MTSS2: variants seen among roughly 807,000 people sequenced by gnomAD.
The protein encoded by MTSS2 is protein MTSS 2.
A neutral mutation model predicts 67.1 loss-of-function variants in MTSS2; 27 were observed. The observed-to-expected ratio is 0.40, with a 90% CI of 0.30 to 0.55. The LOEUF is 0.55. Ranked by LOEUF, MTSS2 falls within the 20% of genes least tolerant of loss-of-function variation. The probability of loss-of-function intolerance (pLI) is 0.43; values close to 1 mark genes in which losing one functional copy is unlikely to be tolerated. For synonymous variants in MTSS2, 624 were observed against 468.6 expected (o/e 1.33, Z -4.28); for missense variants, 1,171 against 1,067.8 (o/e 1.10, Z -1.35).
intron 11 of MTSS2, among the ~76,000 whole-genome samples, chr16:70,670,375 A>C (rs958881819): frequency 6.6e-6 from 1 of 152,250 alleles, no homozygotes; most frequent in Non-Finnish European, 1.5e-5. Context: ...TACCTATCAA[A>C]TCTGAAGATG....
At chr16:70,667,575 C>T (rs2052763987) in intron 11 of MTSS2, among the ~76,000 whole-genome samples, 1 of 151,974 alleles carries the variant, frequency 6.6e-6, no homozygotes, top group Admixed American at 6.5e-5. Context: ...GATCTTTACA[C>T]AAAAACTACA....
At chr16:70,677,260 G>A (rs943174318) in intron 9 of MTSS2, among the ~76,000 whole-genome samples, 1 of 152,190 alleles carries the variant, frequency 6.6e-6, no homozygotes, top group African/African-American at 2.4e-5. Context: ...TTGCTCCTGC[G>A]CCTCCCTGAG....
At chr16:70,679,491 C>T in intron 6 of MTSS2, 139 bp downstream of exon 6, 1 of 1,228,348 alleles carries the variant, frequency 8.1e-7, no homozygotes, top group Non-Finnish European at 1.1e-6. Flanking sequence ...TCCCTCTGTC[C>T]CACCCAACAG....
chr16:70,678,722 C>T (rs2053201766), intron 7 of MTSS2, among the ~76,000 whole-genome samples: 1 of 152,236 alleles, frequency 6.6e-6, no homozygotes, highest in Admixed American at 6.5e-5. Flanking sequence ...TGGCCTCCAC[C>T]TGGGGTACCC....
At position 70,664,987 on chromosome 16, in the gene MTSS2, C is replaced by T. The variant is rs1226805829; in HGVS notation, c.1238G>A (p.Gly413Asp). 2.5e-6 allele frequency: 4 copies of T among 1,588,222 alleles called. No individual in the cohort carries two copies. The highest frequency in any genetic ancestry group is 1.7e-6 in the Non-Finnish European group (2 of 1,175,692). Residue 413 changes from glycine (G) to aspartate (D), a missense_variant, in exon 13 of 15, where the codon GGC (glycine) becomes GAC (aspartate). Gly to Asp is a moderately conservative substitution (Grantham distance 94). Coordinates refer to ENST00000338779, the MANE Select transcript of MTSS2 (RefSeq NM_138383.3). ...RDTEPGPASG[G>D]TLGPSGEEAP... ...CTCTTCCCCGCTGGGGCCCAGGGTGCCCCCACTGGCAGGGCCTGGCTCTGT... is the reference window on the plus strand; with the variant it reads ...CTCTTCCCCGCTGGGGCCCAGGGTGTCCCCACTGGCAGGGCCTGGCTCTGT...
intron 1 of MTSS2, among the ~76,000 whole-genome samples, chr16:70,685,208 G>A (rs1432837672): frequency 6.6e-6 from 1 of 152,096 alleles, no homozygotes; most frequent in Non-Finnish European, 1.5e-5. Flanking sequence ...CTGTGGGGGT[G>A]GGGCGGGGCT....
chr16:70,677,692 C>T, intron 9 of MTSS2, 100 bp downstream of exon 9: 1 of 936,442 alleles, frequency 1.1e-6, no homozygotes, highest in Admixed American at 2.3e-5. Flanking sequence ...AGCTGCCTCC[C>T]CCAAATGCCA....
intron 1 of MTSS2, among the ~76,000 whole-genome samples, chr16:70,684,636 G>A (rs996874339): frequency 6.6e-6 from 1 of 152,188 alleles, no homozygotes; most frequent in Admixed American, 6.5e-5. Context: ...TGGGCTGTGG[G>A]GGTGGGGGCC....
At position 70,661,452 on chromosome 16, in the gene MTSS2, G is replaced by C. The variant is rs957091091; in HGVS notation, c.*2225C>G. On this transcript the variant is annotated 3_prime_UTR_variant, in exon 15 of 15. Coordinates refer to ENST00000338779, the MANE Select transcript of MTSS2 (RefSeq NM_138383.3). Reference sequence around the variant, plus strand: ...GGGGGAATAAATTAAAAAAAGGAACGAGTTAACAACAGCACCAGGAAAGTT... The same window carrying C: ...GGGGGAATAAATTAAAAAAAGGAACCAGTTAACAACAGCACCAGGAAAGTT... 8.0e-6 allele frequency: 3 copies of C among 374,718 alleles called. No individual in the cohort carries two copies. Among genetic ancestry groups the C allele is most frequent in the Admixed American group, 6.6e-5 (2 of 30,378 alleles). The allele number at this position is 374,718 out of a possible 1,614,324, so 23.2% of individuals were successfully genotyped here. A position where few individuals can be genotyped will look rare whatever the true frequency, so the allele number is the denominator to read the frequency against.
intron 6 of MTSS2, 35 bp downstream of exon 6, chr16:70,679,595 T>A: frequency 6.4e-7 from 1 of 1,567,046 alleles, no homozygotes; most frequent in Non-Finnish European, 8.7e-7. Context: ...AGCGGGGCCG[T>A]GGGGCTGTGG....
intron 7 of MTSS2, 26 bp downstream of exon 7, chr16:70,679,289 G>A: frequency 2.5e-6 from 4 of 1,613,692 alleles, no homozygotes; most frequent in Non-Finnish European, 3.4e-6. Context: ...GGGAGGAGCA[G>A]CTGGAGGGAC....
In MTSS2 at chr16:70,685,844, C is replaced by G. The variant is rs1243139552; in HGVS notation, c.-53G>C. The stretch of plus-strand genomic sequence containing the variant: ...GGCTAGGCGCACGGAGCGCGGGGAG[C>G]AGCGCAAGGGAGGGGGCCAGGCCGC... On this transcript the variant is annotated 5_prime_UTR_variant, in exon 1 of 15. Coordinates refer to ENST00000338779, the MANE Select transcript of MTSS2 (RefSeq NM_138383.3). The G allele has an allele frequency of 8.8e-7, 1 of 1,137,530 alleles. No individual in the cohort carries two copies. The highest frequency in any genetic ancestry group is 1.1e-6 in the Non-Finnish European group (1 of 909,020). 70.5% of individuals were successfully genotyped at this position (1,137,530 alleles called of 1,614,324 possible).
Position 70,674,457 on chromosome 16 carries a change from GGTGA to G in MTSS2, c.898_901del (p.Ser300ProfsTer151), listed in dbSNP as rs1470970797. On this transcript the variant is annotated frameshift_variant, in exon 11 of 15. Coordinates refer to ENST00000338779, the MANE Select transcript of MTSS2 (RefSeq NM_138383.3). LOFTEE classifies it high-confidence loss of function. ...GCTGCGGTAGCGACAGGTGGAACTG[GGTGA>G]GTATGTTTGGGCACCCCCAGGCCAT... 1.9e-6 allele frequency: 3 copies of G among 1,614,180 alleles called. No homozygotes were observed. The highest frequency in any genetic ancestry group is 2.5e-6 in the Non-Finnish European group (3 of 1,180,042).
At chr16:70,678,468 C>CA in intron 7 of MTSS2, 59 bp from the exon 8 acceptor site, 1 of 1,560,888 alleles carries the variant, frequency 6.4e-7, no homozygotes, top group Non-Finnish European at 8.7e-7. Context: ...GCCACACCCA[C>CA]AAATGGGCTC....
In MTSS2 at chr16:70,674,307, T is replaced by A; in HGVS notation, c.1052A>T (p.Gln351Leu). Residue 351 changes from glutamine to leucine, a missense_variant and splice_region_variant, in exon 11 of 15, where the codon CAG becomes CTG. Transcript: ENST00000338779. ...PSPMPSDITSQKSSSSASSEA... is the reference protein window; with the variant it reads ...PSPMPSDITSLKSSSSASSEA... ...CTGATCCTCCTAACGCCCCCTCACC[T>A]GGCTGGTGATGTCTGAAGGCATAGG... 6.2e-7 allele frequency: 1 copy of A among 1,612,984 alleles called. No homozygotes were observed. Among genetic ancestry groups the A allele is most frequent in the Non-Finnish European group, 8.5e-7 (1 of 1,179,634 alleles).
At chr16:70,666,168 C>T (rs568953678) in intron 11 of MTSS2, among the ~76,000 whole-genome samples, 64 of 151,998 alleles carry the variant, frequency 4.2e-4, no homozygotes, top group Admixed American at 5.2e-4. Flanking sequence ...AGGAGAGTCC[C>T]GTAAAGGAGA....
intron 1 of MTSS2, 141 bp from the exon 2 acceptor site, chr16:70,681,166 G>GCCTGGCTGCAACCCAGGAGCAGGCTA: frequency 1.3e-6 from 1 of 744,874 alleles, no homozygotes; most frequent in Non-Finnish European, 2.1e-6. Flanking sequence ...GGGAGGCTCT[G>GCCTGGCTGCAACCCAGGAGCAGGCTA]GGTCCTCTCG....
intron 7 of MTSS2, 31 bp from the exon 8 acceptor site, chr16:70,678,440 G>C: frequency 6.3e-7 from 1 of 1,588,686 alleles, no homozygotes; most frequent in Non-Finnish European, 8.6e-7. Context: ...GGCCTTGCTG[G>C]GGATGCCAGC....
intron 7 of MTSS2, 52 bp from the exon 8 acceptor site, chr16:70,678,461 A>C: frequency 6.4e-7 from 1 of 1,570,822 alleles, no homozygotes; most frequent in Non-Finnish European, 8.6e-7. Context: ...CTGGCTTGCC[A>C]CACCCACAAA....
Sources: allele counts gnomAD v4.1 joint callset (sites outside exome capture counted in the v4.1 genomes callset), GRCh38; gene constraint gnomAD v4.1.1; transcripts MANE v1.5; gene names NCBI Gene and HGNC (gene_info 2026-07-23, HGNC 2026-07-21).